The following DENND5B variants were observed in gnomAD, a reference collection of about 807,000 sequenced individuals.
DENND5B encodes DENN domain-containing protein 5B.
A neutral mutation model predicts 140.6 loss-of-function variants in DENND5B; 34 were observed. That is an observed-to-expected ratio of 0.24 (90% confidence interval 0.18 to 0.32). The LOEUF (loss-of-function observed/expected upper bound fraction) is 0.32. DENND5B is among the 10% of genes least tolerant of loss of function. The pLI is 1.00. For synonymous variants in DENND5B, 551 were observed against 562.1 expected, an observed-to-expected ratio of 0.98 and a Z score of 0.28; for missense variants, 1,142 against 1,560.2, an observed-to-expected ratio of 0.73 and a Z score of 4.52.
intron 1 of DENND5B, among the ~76,000 whole-genome samples, chr12:31,504,325 C>T (rs1168616642): frequency 6.6e-6 from 1 of 152,120 alleles, no homozygotes; most frequent in Non-Finnish European, 1.5e-5. Flanking sequence ...AAATATAGCA[C>T]AAAAGTTCTG....
At chr12:31,452,539 T>C in intron 4 of DENND5B, 63 bp from the exon 5 acceptor site, 1 of 1,481,366 alleles carries the variant, frequency 6.8e-7, no homozygotes, top group Non-Finnish European at 9.0e-7. Context: ...TAACATATTC[T>C]TGCCAGCCAG....
chr12:31,502,245 G>A (rs1172319283), intron 1 of DENND5B, among the ~76,000 whole-genome samples: 2 of 152,114 alleles, frequency 1.3e-5, no homozygotes, highest in Admixed American at 6.6e-5. Context: ...AACCCGGGAG[G>A]TGGAGGTTGC....
In DENND5B at chr12:31,452,350, G is replaced by T; in HGVS notation, c.1219C>A (p.Pro407Thr). Residue 407 changes from proline (P) to threonine (T), a missense_variant, in exon 5 of 21, where the codon CCT (proline) becomes ACT (threonine). Transcript: ENST00000389082. ...SEVLVQFGIPPEGSLHCSEST... is the reference protein window; with the variant it reads ...SEVLVQFGIPTEGSLHCSEST... ...TCACTGCAATGTAGGCTGCCCTCAGGAGGGATCCCAAATTGAACAAGAACC... is the reference window on the plus strand; with the variant it reads ...TCACTGCAATGTAGGCTGCCCTCAGTAGGGATCCCAAATTGAACAAGAACC... 1 of 1,613,944 alleles carries T rather than the reference G, an allele frequency of 6.2e-7. No homozygotes were observed. The highest frequency in any genetic ancestry group is 8.5e-7 in the Non-Finnish European group (1 of 1,179,888).
chr12:31,478,605 G>A (rs1945928379), intron 3 of DENND5B, among the ~76,000 whole-genome samples: 2 of 152,128 alleles, frequency 1.3e-5, no homozygotes, highest in Non-Finnish European at 2.9e-5. Context: ...GGAGGGTGAG[G>A]TGGGAAGACA....
At position 31,590,761 on chromosome 12, in the gene DENND5B, G is replaced by A; in HGVS notation, c.72C>T (p.Tyr24=). Residue 24 remains tyrosine, a synonymous_variant, in exon 1 of 21, where the codon TAC becomes TAT. Coordinates refer to ENST00000389082, the MANE Select transcript of DENND5B (RefSeq NM_144973.4). ...SSPAACRFAH[Y]FVLCGIDADS... Reference sequence around the variant, plus strand: ...CCGCGTCGATCCCGCACAGCACGAAGTAGTGCGCGAAGCGGCAGGCGGCCG... The same window carrying A: ...CCGCGTCGATCCCGCACAGCACGAAATAGTGCGCGAAGCGGCAGGCGGCCG... 3 of 1,409,340 alleles carry A rather than the reference G, an allele frequency of 2.1e-6. No individual in the cohort carries two copies. Among genetic ancestry groups the A allele is most frequent in the Non-Finnish European group, 2.8e-6 (3 of 1,081,438 alleles). The allele number at this position is 1,409,340 out of a possible 1,614,324, so 87.3% of individuals were successfully genotyped here.
intron 1 of DENND5B, among the ~76,000 whole-genome samples, chr12:31,507,173 G>C (rs889662292): frequency 9.9e-5 from 15 of 151,924 alleles, no homozygotes; most frequent in African/African-American, 3.4e-4. Context: ...ACAAAGACCA[G>C]ACAAATTCCT....
chr12:31,400,967 C>T (rs374539460), intron 15 of DENND5B, among the ~76,000 whole-genome samples: 30 of 152,164 alleles, frequency 2.0e-4, no homozygotes, highest in South Asian at 4.2e-4. Flanking sequence ...CTCAGCCTCC[C>T]GAGAAGCTGG....
intron 14 of DENND5B, among the ~76,000 whole-genome samples, chr12:31,408,624 C>CAAAAAAAAA (rs33965275): frequency 1.4e-5 from 1 of 71,960 alleles, no homozygotes; most frequent in African/African-American, 6.1e-5. Context: ...GAGACTCTAT[C>CAAAAAAAAA]AAAAAAAAAA....
At chr12:31,586,602 G>A (rs1228149640) in intron 1 of DENND5B, among the ~76,000 whole-genome samples, 1 of 152,126 alleles carries the variant, frequency 6.6e-6, no homozygotes, top group East Asian at 1.9e-4. Flanking sequence ...GTTTTACTAG[G>A]AGGGTCTAAA....
Position 31,452,303 on chromosome 12 carries a change from A to G in DENND5B, c.1266T>C (p.Asn422=). The G allele has an allele frequency of 6.2e-7, 1 of 1,613,936 alleles. No individual in the cohort carries two copies. The highest frequency in any genetic ancestry group is 1.1e-5 in the South Asian group (1 of 91,074). The part of the protein sequence containing the change: ...HCSESTSKLK[N]MVLKDLVNDK... ...CATTGACCAAGTCTTTCAGAACCAT[A>G]TTCTTCAGTTTGCTGGTACTCTCAC... The change falls in exon 5 of 21, where the codon AAT becomes AAC. Residue 422 remains asparagine (N), a synonymous_variant. Coordinates refer to ENST00000389082, the MANE Select transcript of DENND5B (RefSeq NM_144973.4).
chr12:31,417,356 C>CA (rs767142927), intron 11 of DENND5B, among the ~76,000 whole-genome samples: 1,994 of 39,056 alleles, frequency 0.051, 119 homozygotes, highest in African/African-American at 0.11. Context: ...GACTCTGTCT[C>CA]AAAAAAAAAA....
intron 1 of DENND5B, among the ~76,000 whole-genome samples, chr12:31,523,837 TC>T (rs2139024902): frequency 6.6e-6 from 1 of 152,212 alleles, no homozygotes; most frequent in East Asian, 1.9e-4. Context: ...AGATCTTGAA[TC>T]CTAAGACTGC....
At chr12:31,413,723 C>T (rs1942586145) in intron 12 of DENND5B, among the ~76,000 whole-genome samples, 159 bp from the exon 13 acceptor site, 1 of 152,214 alleles carries the variant, frequency 6.6e-6, no homozygotes, top group Non-Finnish European at 1.5e-5. Context: ...AAGGTTCCAT[C>T]TGAATCATGA....
chr12:31,433,792 C>A (rs1237885869), intron 7 of DENND5B, among the ~76,000 whole-genome samples: 1 of 152,032 alleles, frequency 6.6e-6, no homozygotes, highest in South Asian at 2.1e-4. Flanking sequence ...AGCACTTTGG[C>A]CGGATCACTT....
chr12:31,510,028 C>T (rs1390670145), intron 1 of DENND5B, among the ~76,000 whole-genome samples: 1 of 152,176 alleles, frequency 6.6e-6, no homozygotes, highest in South Asian at 2.1e-4. Context: ...ACTTGAGCCA[C>T]GCCAAATGAC....
At position 31,451,932 on chromosome 12, in the gene DENND5B, C is replaced by CT. The variant is rs1565591842; in HGVS notation, c.1629+7dup. The CT allele has an allele frequency of 6.2e-7, 1 of 1,612,648 alleles. No individual in the cohort carries two copies. The highest frequency in any genetic ancestry group is 1.3e-5 in the African/African-American group (1 of 74,918). ...TAACCACAAAAGGAAAACTATGGTT[C>CT]TTTTTACTTTGTCAAAGTTCTGCAT... On this transcript the variant is annotated splice_region_variant and intron_variant, in intron 5 of 20. Coordinates refer to ENST00000389082, the MANE Select transcript of DENND5B (RefSeq NM_144973.4).
intron 1 of DENND5B, among the ~76,000 whole-genome samples, chr12:31,499,945 CTTAATGCTTA>C (rs1201583199): frequency 6.6e-6 from 1 of 152,188 alleles, no homozygotes; most frequent in Non-Finnish European, 1.5e-5. Context: ...ATATTCTCTT[CTTAATGCTTA>C]CTTAAAGAGG....
At chr12:31,451,416 C>T (rs1049667018) in intron 5 of DENND5B, among the ~76,000 whole-genome samples, 3 of 152,042 alleles carry the variant, frequency 2.0e-5, no homozygotes, top group African/African-American at 4.8e-5. Context: ...CTCTGCCTCC[C>T]GGGTTCAAGC....
At chr12:31,474,898 C>T (rs139794969) in intron 3 of DENND5B, among the ~76,000 whole-genome samples, 222 of 152,248 alleles carry the variant, frequency 1.5e-3, no homozygotes, top group African/African-American at 5.2e-3. Flanking sequence ...TCGCATGACA[C>T]CTTTACAATA....
Sources: gnomAD v4.1 joint callset for allele counts (sites outside exome capture counted in the v4.1 genomes callset) on GRCh38, gnomAD v4.1.1 for gene constraint, MANE v1.5 for transcripts, NCBI Gene and HGNC (gene_info 2026-07-23, HGNC 2026-07-21) for gene names.